Variants in PURG observed in about 807,000 individuals in gnomAD.
The protein encoded by PURG is purine-rich element-binding protein gamma.
Under a neutral mutation model 24.3 loss-of-function variants are expected in PURG, and 3 were observed. The observed-to-expected ratio is 0.12, with a 90% CI of 0.06 to 0.32. PURG has a LOEUF of 0.32. PURG is among the 10% of genes least tolerant of loss of function. PURG has a pLI of 1.00. For synonymous variants in PURG, 180 were observed against 173.1 expected, an observed-to-expected ratio of 1.04 and a Z score of -0.31; for missense variants, 371 against 439.1, an observed-to-expected ratio of 0.84 and a Z score of 1.39.
chr8:31,033,223 G>C lies in PURG; in HGVS notation c.-152C>G, dbSNP rs1811294589. On this transcript the variant is annotated 5_prime_UTR_variant, in exon 1 of 2. Coordinates refer to ENST00000523392, the MANE Select transcript of PURG (RefSeq NM_001323311.2). ...GCCGCCGCTCGCACTGCCCCCCGCC[G>C]GAGCAGCCGGGCAGGGGCATCGCCC... 2.2e-5 allele frequency: 4 copies of C among 184,232 alleles called. No homozygotes were observed. The highest frequency in any genetic ancestry group is 6.2e-5 in the Admixed American group (1 of 16,092). 11.4% of individuals were successfully genotyped at this position (184,232 alleles called of 1,614,324 possible). A position where few individuals can be genotyped will look rare whatever the true frequency, so the allele number is the denominator to read the frequency against.
intron 1 of PURG, among the ~76,000 whole-genome samples, chr8:31,009,434 A>G (rs548511323): frequency 6.6e-6 from 1 of 152,158 alleles, no homozygotes; most frequent in South Asian, 2.1e-4. Context: ...TCAAAACAAA[A>G]CAAAACAAAA....
downstream of PURG, among the ~76,000 whole-genome samples, chr8:31,027,321 AC>A (rs1249177755): frequency 6.6e-6 from 1 of 151,716 alleles, no homozygotes; most frequent in African/African-American, 2.4e-5. Context: ...CAAACCCCTT[AC>A]ATAAAGCTTT....
intron 1 of PURG, among the ~76,000 whole-genome samples, chr8:31,017,413 T>C (rs988072205): frequency 5.5e-5 from 3 of 54,394 alleles, no homozygotes; most frequent in Admixed American, 5.8e-4. Flanking sequence ...TAAGAGATTA[T>C]ATATCTATAT....
intron 1 of PURG, among the ~76,000 whole-genome samples, chr8:31,004,369 T>G (rs1810601557): frequency 6.6e-6 from 1 of 152,146 alleles, no homozygotes; most frequent in Admixed American, 6.6e-5. Flanking sequence ...AAACATCCTT[T>G]CCAGCACGTT....
In PURG at chr8:31,032,349, C is replaced by G; in HGVS notation, c.434G>C (p.Gly145Ala). The G allele has an allele frequency of 6.2e-7, 1 of 1,613,220 alleles. No individual in the cohort carries two copies. Among genetic ancestry groups the G allele is most frequent in the East Asian group, 2.2e-5 (1 of 44,852 alleles). ...RQEHGHSKEQGSRRRQKHSAP... is the reference protein window; with the variant it reads ...RQEHGHSKEQASRRRQKHSAP... ...CGAGTGCTTCTGCCTCCTTCTGGAG[C>G]CTTGCTCTTTGCTGTGGCCATGCTC... The change falls in exon 2 of 2, where the codon GGC becomes GCC. Residue 145 changes from glycine (G) to alanine (A), a missense_variant. Gly to Ala is a moderately conservative substitution (Grantham distance 60, BLOSUM62 0). Transcript: ENST00000523392. The surrounding 1 kb of genome is among the most constrained non-coding windows in gnomAD (Gnocchi z 5.9).
At chr8:31,006,159 T>C (rs973467410) in intron 1 of PURG, among the ~76,000 whole-genome samples, 18 of 152,178 alleles carry the variant, frequency 1.2e-4, no homozygotes, top group African/African-American at 4.3e-4. Flanking sequence ...ATTCCCAGTT[T>C]CCTACAGAAA....
intron 1 of PURG, among the ~76,000 whole-genome samples, chr8:31,005,771 CTTTTTTT>C (rs67428647): frequency 1.4e-5 from 2 of 142,198 alleles, no homozygotes; most frequent in African/African-American, 5.3e-5. Flanking sequence ...TTTCTTTTTT[CTTTTTTT>C]TTTTTTTCAT....
At chr8:31,012,794 A>G (rs1368908877) in intron 1 of PURG, among the ~76,000 whole-genome samples, 1 of 152,236 alleles carries the variant, frequency 6.6e-6, no homozygotes, top group African/African-American at 2.4e-5. Context: ...ATATCACACT[A>G]CTGCACGCTA....
chr8:31,021,781 GA>G (rs1287348656), intron 1 of PURG, among the ~76,000 whole-genome samples: 1 of 152,116 alleles, frequency 6.6e-6, no homozygotes, highest in East Asian at 1.9e-4. Flanking sequence ...TGAAAATGGG[GA>G]TAATAGGGTT....
chr8:31,009,319 G>A (rs7462461), intron 1 of PURG, among the ~76,000 whole-genome samples: 5 of 152,200 alleles, frequency 3.3e-5, no homozygotes, highest in African/African-American at 4.8e-5. Context: ...CCAGCTACTC[G>A]GGGGGCTAGG....
intron 1 of PURG, among the ~76,000 whole-genome samples, chr8:31,009,779 G>A (rs1810730501): frequency 6.6e-6 from 1 of 152,162 alleles, no homozygotes; most frequent in Admixed American, 6.5e-5. Context: ...AAGAACAGTG[G>A]GTTCTTGAGT....
chr8:31,002,068 C>T (rs754184761), intron 1 of PURG, among the ~76,000 whole-genome samples: 7 of 152,180 alleles, frequency 4.6e-5, no homozygotes, highest in Non-Finnish European at 8.8e-5. Flanking sequence ...GGAAATAATC[C>T]TCATAGCTGC....
rs754886575 is a variant in PURG, at chr8:31,007,987, GT to G, written c.865-11291del. Among the ~76,000 whole-genome samples the G allele has an allele frequency of 6.6e-5, 10 of 152,228 alleles. No homozygotes were observed. The South Asian group carries it at 1.9e-3, about 28-fold the overall frequency. The stretch of plus-strand genomic sequence containing the variant: ...TAATTTTGATGGAGTCTAATGTATT[GT>G]TTTTTTCTCTTATAGTTAGTGCTTT... On this transcript the variant is annotated intron_variant, in intron 1 of 1. Coordinates refer to the PURG transcript ENST00000339382.
intron 1 of PURG, among the ~76,000 whole-genome samples, chr8:31,020,891 T>C (rs1173792574): frequency 6.6e-6 from 1 of 152,188 alleles, no homozygotes; most frequent in Non-Finnish European, 1.5e-5. Context: ...GAAATGCATA[T>C]TCTTGGTCTT....
intron 1 of PURG, among the ~76,000 whole-genome samples, chr8:31,004,746 C>G (rs1442800536): frequency 6.6e-6 from 1 of 152,152 alleles, no homozygotes; most frequent in Non-Finnish European, 1.5e-5. Context: ...CAAAGCAGAA[C>G]TATAAAGCGA....
chr8:31,032,420 GT>G lies in PURG; in HGVS notation c.362del (p.Asp121AlafsTer11). ...VAAELKDCLG[D>X]FIEHYAHLGL... ...CCAGGTGGGCATAGTGCTCGATGAA[GT>G]CCCCTAGACAGTCCTTCAGCTCCGC... On this transcript the variant is annotated frameshift_variant, in exon 2 of 2. Coordinates refer to ENST00000523392, the MANE Select transcript of PURG (RefSeq NM_001323311.2). LOFTEE classifies it high-confidence loss of function. This position sits in a 1 kb window ranked among gnomAD's most constrained non-coding sequence, Gnocchi z 5.9. 1 of 1,614,062 alleles carries G rather than the reference GT, an allele frequency of 6.2e-7. No homozygotes were observed. Among genetic ancestry groups the G allele is most frequent in the Non-Finnish European group, 8.5e-7 (1 of 1,180,036 alleles).
chr8:31,002,361 T>TTTTTTTTTTTTTTA (rs201870746), intron 1 of PURG, among the ~76,000 whole-genome samples: 2 of 152,198 alleles, frequency 1.3e-5, no homozygotes, highest in African/African-American at 4.8e-5. Context: ...TATTTTCTTT[T>TTTTTTTTTTTTTTA]AAAAAAGGAT....
In PURG at chr8:31,033,189, T is replaced by C. The variant is rs11574154; in HGVS notation, c.-118A>G. On this transcript the variant is annotated 5_prime_UTR_variant, in exon 1 of 2. Coordinates refer to ENST00000523392, the MANE Select transcript of PURG (RefSeq NM_001323311.2). The stretch of plus-strand genomic sequence containing the variant: ...GCCGCAGCCGCCGCCCCCCGCCTCC[T>C]CCCCCGCCGCCGCCGCTCGCACTGC... 8.2e-4 allele frequency: 150 copies of C among 183,190 alleles called. No individual in the cohort carries two copies. The highest frequency in any genetic ancestry group is 3.6e-3 in the African/African-American group (141 of 39,082). 11.3% of individuals were successfully genotyped at this position (183,190 alleles called of 1,614,324 possible).
intron 1 of PURG, among the ~76,000 whole-genome samples, chr8:30,997,214 T>TA (rs989052914): frequency 4.6e-5 from 7 of 151,782 alleles, no homozygotes; most frequent in East Asian, 1.9e-4. Flanking sequence ...TTTCCAAGTT[T>TA]AAAAAAATCC....
Sources: gnomAD v4.1 joint callset for allele counts (sites outside exome capture counted in the v4.1 genomes callset) on GRCh38, gnomAD v4.1.1 for gene constraint, Gnocchi (gnomAD v3.1) non-coding constraint, MANE v1.5 for transcripts, NCBI Gene and HGNC (gene_info 2026-07-23, HGNC 2026-07-21) for gene names.